PTH2R: variants seen among roughly 807,000 people sequenced by gnomAD.
The protein encoded by PTH2R is parathyroid hormone 2 receptor.
A neutral mutation model predicts 60.3 loss-of-function variants in PTH2R; 59 were observed. The ratio of observed to expected loss-of-function variants is 0.98; its 90% CI spans 0.79 to 1.22. The LOEUF (loss-of-function observed/expected upper bound fraction) is 1.22, where lower values mean the gene tolerates loss of function less well. PTH2R is among the 50% of genes most tolerant of loss of function. PTH2R has a pLI of 0.00. For synonymous variants in PTH2R, 256 were observed against 243.8 expected, an observed-to-expected ratio of 1.05 and a Z score of -0.47; for missense variants, 749 against 682.6, an observed-to-expected ratio of 1.10 and a Z score of -1.08.
chr2:208,412,116 T>C (rs375885167), intron 1 of PTH2R, among the ~76,000 whole-genome samples: 28 of 152,334 alleles, frequency 1.8e-4, no homozygotes, highest in Admixed American at 1.1e-3. Flanking sequence ...TTTTTTCTGA[T>C]AGCAATTGGA....
chr2:208,361,385 T>C (rs1700470528), intron 1 of PTH2R: 1 of 152,138 alleles, frequency 6.6e-6, no homozygotes, highest in African/African-American at 2.4e-5. Context: ...CTGTAGTTGC[T>C]CTCCTTTTCA....
At chr2:208,428,331 CT>C (rs1701899792) in intron 2 of PTH2R, 28 bp downstream of exon 2, 2 of 1,457,650 alleles carry the variant, frequency 1.4e-6, no homozygotes, top group Non-Finnish European at 1.9e-6. Context: ...ATTGGCTCTC[CT>C]TGTGCCTCCT....
intron 4 of PTH2R, among the ~76,000 whole-genome samples, chr2:208,439,995 A>C (rs1463712324): frequency 6.6e-6 from 1 of 152,370 alleles, no homozygotes; most frequent in South Asian, 2.1e-4. Flanking sequence ...AAATAAGCGC[A>C]AATATATGCA....
Position 208,379,087 on chromosome 2 carries a change from G to T in PTH2R, c.-259+18850G>T, listed in dbSNP as rs138420954. Reference sequence around the variant, plus strand: ...CTCTGCACATCATACAGTTTCTTGGGCAGTTTTCAAAGTGTGACTCTGCAG... The same window carrying T: ...CTCTGCACATCATACAGTTTCTTGGTCAGTTTTCAAAGTGTGACTCTGCAG... On this transcript the variant is annotated intron_variant, in intron 1 of 12. Coordinates refer to the PTH2R transcript ENST00000617735. Among the ~76,000 whole-genome samples the T allele has an allele frequency of 2.5e-3, 381 of 152,266 alleles. 5 individuals carry two copies. The highest frequency in any genetic ancestry group is 8.9e-3 in the African/African-American group (369 of 41,504).
intron 1 of PTH2R, among the ~76,000 whole-genome samples, chr2:208,370,061 C>T (rs1450758805): frequency 6.6e-6 from 1 of 152,014 alleles, no homozygotes; most frequent in African/African-American, 2.4e-5. Flanking sequence ...GCTGACTGCC[C>T]AACAGAGAGG....
intron 7 of PTH2R, among the ~76,000 whole-genome samples, chr2:208,447,359 C>T (rs200092473): frequency 3.3e-5 from 5 of 151,786 alleles, no homozygotes; most frequent in Admixed American, 1.3e-4. Context: ...GAGGCCGAGG[C>T]GGGCGGATCA....
In PTH2R at chr2:208,442,344, G is replaced by A. The variant is rs1452819651; in HGVS notation, c.412-20G>A. On this transcript the variant is annotated intron_variant, in intron 4 of 12. Coordinates refer to ENST00000272847, the MANE Select transcript of PTH2R (RefSeq NM_005048.4). Reference sequence around the variant, plus strand: ...GGTAAAATAGTCCCATATCATACATGAGCATCTCTTCCCTTGCAGCAAGAA... The same window carrying A: ...GGTAAAATAGTCCCATATCATACATAAGCATCTCTTCCCTTGCAGCAAGAA... The A allele has an allele frequency of 2.0e-6, 3 of 1,535,096 alleles. No individual in the cohort carries two copies. Among genetic ancestry groups the A allele is most frequent in the South Asian group, 1.1e-5 (1 of 89,204 alleles).
At chr2:208,464,030 G>A (rs1702686883) in intron 9 of PTH2R, among the ~76,000 whole-genome samples, 1 of 152,234 alleles carries the variant, frequency 6.6e-6, no homozygotes, top group African/African-American at 2.4e-5. Context: ...ACTCTTGTTG[G>A]TAGGAGTAGA....
chr2:208,429,962 T>C (rs1305773158), intron 2 of PTH2R, among the ~76,000 whole-genome samples: 1 of 152,210 alleles, frequency 6.6e-6, no homozygotes, highest in Non-Finnish European at 1.5e-5. Flanking sequence ...TAAAATCTCA[T>C]GTGGGCTGTC....
intron 9 of PTH2R, among the ~76,000 whole-genome samples, chr2:208,479,100 T>C (rs1703087255): frequency 6.6e-6 from 1 of 152,256 alleles, no homozygotes; most frequent in Non-Finnish European, 1.5e-5. Context: ...CATCAAGTTT[T>C]ACTTGGTCTT....
chr2:208,483,785 T>C (rs1368093190), intron 10 of PTH2R, among the ~76,000 whole-genome samples: 1 of 152,234 alleles, frequency 6.6e-6, no homozygotes, highest in Non-Finnish European at 1.5e-5. Flanking sequence ...TTAATATCCT[T>C]AATTATGTCC....
rs537038849 is a variant in PTH2R, at chr2:208,437,642, A to C, written c.284A>C (p.His95Pro). 1.8e-5 allele frequency: 29 copies of C among 1,610,780 alleles called. No homozygotes were observed. The highest frequency in any genetic ancestry group is 2.1e-5 in the Non-Finnish European group (25 of 1,178,694). The change falls in exon 3 of 13, where the codon CAT becomes CCT. Residue 95 changes from histidine (H) to proline (P), a missense_variant. Physicochemically the swap from His to Pro is moderately conservative, Grantham distance 77. Transcript: ENST00000272847. The stretch of plus-strand genomic sequence containing the variant: ...CCTCCTTATATTTATGACTTCAACC[A>C]TAAAGGTATTGAATTTTTCTAAAAT... The part of the protein sequence containing the change: ...PCPPYIYDFN[H>P]KGVAFRHCNP...
Position 208,493,691 on chromosome 2 carries a change from G to C in PTH2R, c.*32G>C. 1 of 1,516,192 alleles carries C rather than the reference G, an allele frequency of 6.6e-7. No homozygotes were observed. The highest frequency in any genetic ancestry group is 8.9e-7 in the Non-Finnish European group (1 of 1,129,592). The allele number at this position is 1,516,192 out of a possible 1,614,324, so 93.9% of individuals were successfully genotyped here. On this transcript the variant is annotated 3_prime_UTR_variant, in exon 13 of 13. Coordinates refer to ENST00000272847, the MANE Select transcript of PTH2R (RefSeq NM_005048.4). ...ATTTGTGGCTGACTTTCATGGGCTG[G>C]TCCAATGGCTGGTTGTGTGAGAGGG...
intron 9 of PTH2R, among the ~76,000 whole-genome samples, chr2:208,464,304 A>T (rs1003472221): frequency 6.6e-6 from 1 of 152,204 alleles, no homozygotes; most frequent in African/African-American, 2.4e-5. Flanking sequence ...TAAATATTTG[A>T]TTAAAAAGAA....
intron 1 of PTH2R, among the ~76,000 whole-genome samples, chr2:208,408,766 A>AGAGAGAGAGAGAGAGAGAGAGAGAG (rs58836876): frequency 5.5e-5 from 6 of 109,506 alleles, no homozygotes; most frequent in African/African-American, 2.8e-4. Context: ...GAGAGAGAGA[A>AGAGAGAGAGAGAGAGAGAGAGAGAG]ATAAATAATA....
chr2:208,438,484 T>C (rs1253692149), intron 4 of PTH2R, among the ~76,000 whole-genome samples: 3 of 152,312 alleles, frequency 2.0e-5, no homozygotes, highest in Non-Finnish European at 2.9e-5. Flanking sequence ...GAGGGTTTAA[T>C]GTAGAGCCCT....
Position 208,481,345 on chromosome 2 carries a change from G to A in PTH2R, c.1076+181G>A, listed in dbSNP as rs151061792. ...CATGCCTCAGCCTCCCGAGTAGCTG[G>A]GATTACAGGTGTGCGCCATCATATC... On this transcript the variant is annotated intron_variant, in intron 10 of 12. Transcript: ENST00000272847. Among the ~76,000 whole-genome samples, 109 of 151,764 alleles carry A rather than the reference G, an allele frequency of 7.2e-4. 1 individual carries two copies. The highest frequency in any genetic ancestry group is 2.4e-3 in the African/African-American group (98 of 41,362).
At chr2:208,395,485 A>G (rs1013493047) in intron 1 of PTH2R, among the ~76,000 whole-genome samples, 1 of 152,226 alleles carries the variant, frequency 6.6e-6, no homozygotes, top group Non-Finnish European at 1.5e-5. Context: ...GTGTGGTAGC[A>G]AGAAACCTCA....
At chr2:208,457,396 T>C (rs1248976012) in intron 8 of PTH2R, among the ~76,000 whole-genome samples, 3 of 152,232 alleles carry the variant, frequency 2.0e-5, no homozygotes, top group East Asian at 3.8e-4. Context: ...CAATTGAATA[T>C]GTGCATTTCA....
Sources: allele counts gnomAD v4.1 joint callset (sites outside exome capture counted in the v4.1 genomes callset), GRCh38; gene constraint gnomAD v4.1.1; transcripts MANE v1.5; gene names NCBI Gene and HGNC (gene_info 2026-07-23, HGNC 2026-07-21).